EPS15: variants seen among roughly 807,000 people sequenced by gnomAD.
The protein encoded by EPS15 is epidermal growth factor receptor substrate 15.
EPS15 carries 72 observed loss-of-function variants against 113.8 expected under a neutral mutation model. The ratio of observed to expected loss-of-function variants is 0.63; its 90% CI spans 0.52 to 0.77. EPS15 has a LOEUF of 0.77. Among genes scored for constraint, EPS15 ranks in the 30% least tolerant of loss-of-function variants. The probability of loss-of-function intolerance (pLI) is 0.00; values close to 1 mark genes in which losing one functional copy is unlikely to be tolerated. For missense variants in EPS15, 1,048 were observed against 1,045.8 expected (o/e 1.00, Z -0.03); for synonymous variants, 344 against 363.4 (o/e 0.95, Z 0.61).
intron 12 of EPS15, 188 bp from the exon 13 acceptor site, chr1:51,422,046 TA>T (rs11330309): frequency 0.025 from 29,118 of 1,166,610 alleles, 341 homozygotes; most frequent in African/African-American, 0.052. Context: ...GCTCCATTTG[TA>T]AAAAAAAAAT....
chr1:51,408,185 A>G lies in EPS15; in HGVS notation c.1423T>C (p.Leu475=), dbSNP rs562194298. The part of the protein sequence containing the change: ...EESVESGKAQ[L]EPLQQHLQDS... ...TGTAGGTGCTGCTGAAGAGGTTCCAACTGAGCCTTCCCTGACTCTACACTC... is the reference window on the plus strand; with the variant it reads ...TGTAGGTGCTGCTGAAGAGGTTCCAGCTGAGCCTTCCCTGACTCTACACTC... The change falls in exon 15 of 25, where the codon TTG becomes CTG. Residue 475 remains leucine, a synonymous_variant. Transcript: ENST00000371733. 4 of 1,613,980 alleles carry G rather than the reference A, an allele frequency of 2.5e-6. No individual in the cohort carries two copies. The highest frequency in any genetic ancestry group is 1.3e-5 in the African/African-American group (1 of 74,984).
Position 51,464,279 on chromosome 1 carries a change from G to A in EPS15, c.376-481C>T, listed in dbSNP as rs61782114. 1.3e-3 allele frequency among the ~76,000 whole-genome samples: 195 copies of A among 146,466 alleles called. 3 individuals are homozygous for A. In the East Asian group the frequency reaches 0.014, roughly 10 times the overall value. On this transcript the variant is annotated intron_variant, in intron 6 of 24. Coordinates refer to ENST00000371733, the MANE Select transcript of EPS15 (RefSeq NM_001981.3). ...TTTTGAGACGGAGTCTTGCACTGTC[G>A]CCCAGGCTGGAGTGCAGTGGCACAA...
chr1:51,476,698 T>G (rs1643911921), intron 2 of EPS15, among the ~76,000 whole-genome samples: 1 of 152,088 alleles, frequency 6.6e-6, no homozygotes, highest in Non-Finnish European at 1.5e-5. Context: ...TCTATTTTCT[T>G]CAGTTCTGCT....
chr1:51,389,615 G>T lies in EPS15; in HGVS notation c.2119+4766C>A, dbSNP rs556661206. On this transcript the variant is annotated intron_variant, in intron 21 of 24. Coordinates refer to ENST00000371733, the MANE Select transcript of EPS15 (RefSeq NM_001981.3). ...CTCCTTAAGCTGATAAGCAACTTCA[G>T]CAAAGTCTCAGGATACAAAATCAAT... is the stretch of plus-strand genomic sequence containing the variant. Among the ~76,000 whole-genome samples the T allele has an allele frequency of 4.6e-5, 7 of 152,368 alleles. No homozygotes were observed. In the East Asian group the frequency reaches 1.2e-3, roughly 25 times the overall value.
chr1:51,390,768 C>T (rs1388975414), intron 21 of EPS15, among the ~76,000 whole-genome samples: 1 of 152,090 alleles, frequency 6.6e-6, no homozygotes, highest in African/African-American at 2.4e-5. Context: ...CAATGAGATA[C>T]CATCTCACAC....
chr1:51,485,293 A>T (rs981016338), intron 1 of EPS15, among the ~76,000 whole-genome samples: 4 of 152,274 alleles, frequency 2.6e-5, no homozygotes, highest in African/African-American at 9.6e-5. Flanking sequence ...GCAACCTGTC[A>T]TCGGACTTCC....
intron 14 of EPS15, 90 bp from the exon 15 acceptor site, chr1:51,408,422 G>A (rs1413013342): frequency 1.3e-5 from 12 of 956,978 alleles, no homozygotes; most frequent in East Asian, 1.0e-4. Context: ...TATTTGTTTA[G>A]TTTACTATTT....
intron 13 of EPS15, among the ~76,000 whole-genome samples, chr1:51,412,211 G>A (rs1428618505): frequency 6.6e-6 from 1 of 152,150 alleles, no homozygotes; most frequent in Admixed American, 6.5e-5. Flanking sequence ...CCTGTCGGGA[G>A]GTGGGGGACA....
chr1:51,454,495 T>G (rs1653827693), intron 8 of EPS15, among the ~76,000 whole-genome samples: 1 of 152,180 alleles, frequency 6.6e-6, no homozygotes, highest in Non-Finnish European at 1.5e-5. Flanking sequence ...ACCCCCAATA[T>G]AATGTGATGA....
chr1:51,428,095 C>T lies in EPS15; in HGVS notation c.1041-6237G>A, dbSNP rs532559521. Among the ~76,000 whole-genome samples, 3 of 151,286 alleles carry T rather than the reference C, an allele frequency of 2.0e-5. No homozygotes were observed. In the East Asian group the frequency reaches 5.8e-4, roughly 29 times the overall value. ...GCAATGAAATGATATATTTAAAGTG[C>T]TGGAAGGAAAAAAAAAACCTGTCAA... On this transcript the variant is annotated intron_variant, in intron 12 of 24. Coordinates refer to ENST00000371733, the MANE Select transcript of EPS15 (RefSeq NM_001981.3).
intron 7 of EPS15, among the ~76,000 whole-genome samples, chr1:51,462,371 GAA>G (rs796097880): frequency 1.7e-5 from 2 of 117,474 alleles, no homozygotes; most frequent in Non-Finnish European, 1.9e-5. Context: ...CTCAAAAAAA[GAA>G]AAAAAAAAAA....
chr1:51,485,801 G>T (rs1483932398), intron 1 of EPS15, among the ~76,000 whole-genome samples: 1 of 151,964 alleles, frequency 6.6e-6, no homozygotes, highest in Non-Finnish European at 1.5e-5. Flanking sequence ...AAGTTCCATC[G>T]AGGGTCTTTT....
chr1:51,471,420 TATGTAAC>T (rs1655228444), intron 4 of EPS15, among the ~76,000 whole-genome samples: 1 of 152,184 alleles, frequency 6.6e-6, no homozygotes, highest in East Asian at 1.9e-4. Context: ...CTTATAACCC[TATGTAAC>T]TAGGAAAATT....
Position 51,446,990 on chromosome 1 carries a change from C to G in EPS15, c.767G>C (p.Gly256Ala), listed in dbSNP as rs766878609. The G allele has an allele frequency of 6.2e-7, 1 of 1,613,100 alleles. No homozygotes were observed. Among genetic ancestry groups the G allele is most frequent in the East Asian group, 2.2e-5 (1 of 44,834 alleles). Reference protein sequence around the residue: ...LEVREIFLKTGLPSTLLAHIW... With the variant: ...LEVREIFLKTALPSTLLAHIW... ...ATGGGCTAGTAAGGTAGAAGGTAAA[C>G]CTGTTTTCAAGAATATTTCACGGAC... is the stretch of plus-strand genomic sequence containing the variant. The change falls in exon 10 of 25, where the codon GGT becomes GCT. Residue 256 changes from glycine to alanine, a missense_variant. Coordinates refer to ENST00000371733, the MANE Select transcript of EPS15 (RefSeq NM_001981.3).
chr1:51,474,856 G>C (rs565532972), intron 2 of EPS15, among the ~76,000 whole-genome samples: 10 of 105,644 alleles, frequency 9.5e-5, no homozygotes, highest in African/African-American at 2.7e-4. Context: ...AAAAGGCCAC[G>C]GTGTGTGATG....
At chr1:51,379,952 C>G (rs1353918622) in intron 21 of EPS15, among the ~76,000 whole-genome samples, 1 of 149,862 alleles carries the variant, frequency 6.7e-6, no homozygotes, top group Non-Finnish European at 1.5e-5. Flanking sequence ...GTCCCAGCTA[C>G]TTGGAAGGCT....
intron 1 of EPS15, 149 bp from the exon 2 acceptor site, chr1:51,481,463 A>T (rs978959689): frequency 8.5e-6 from 5 of 587,288 alleles, no homozygotes; most frequent in Admixed American, 3.5e-5. Flanking sequence ...CTTCTTGGGG[A>T]GCGTGAGACA....
chr1:51,372,946 G>C (rs565406753), intron 21 of EPS15: 1 of 589,588 alleles, frequency 1.7e-6, no homozygotes, highest in Admixed American at 3.2e-5. Context: ...TTAGCTGCAG[G>C]AAGTCTTCAA....
Position 51,508,332 on chromosome 1 carries a change from GAA to G in EPS15, c.33+10865_33+10866del, listed in dbSNP as rs767505463. ...AGAGAAAGAGAGAAAGAGAGAAAGA[GAA>G]AGAGAGAAAGAAAGAAAGAAAGAAA... On this transcript the variant is annotated intron_variant, in intron 1 of 24. Coordinates refer to ENST00000371733, the MANE Select transcript of EPS15 (RefSeq NM_001981.3). 8.7e-3 allele frequency among the ~76,000 whole-genome samples: 1,091 copies of G among 125,132 alleles called. 15 individuals are homozygous for G. The highest frequency in any genetic ancestry group is 0.029 in the African/African-American group (873 of 30,350). 82.1% of individuals were successfully genotyped at this position (125,132 alleles called of 152,430 possible).
Sources: allele counts gnomAD v4.1 joint callset (sites outside exome capture counted in the v4.1 genomes callset), GRCh38; gene constraint gnomAD v4.1.1; transcripts MANE v1.5; gene names NCBI Gene and HGNC (gene_info 2026-07-23, HGNC 2026-07-21).